The following COL14A1 variants were observed in gnomAD, a reference collection of about 807,000 sequenced individuals.
COL14A1 encodes collagen alpha-1(XIV) chain.
In COL14A1, 136 loss-of-function variants were observed where a neutral mutation model predicts 230.3. The observed-to-expected ratio is 0.59, with a 90% CI of 0.51 to 0.68. The LOEUF (loss-of-function observed/expected upper bound fraction) is 0.68. COL14A1 is among the 30% of genes least tolerant of loss of function. The pLI, the probability that COL14A1 is intolerant of heterozygous loss-of-function variation, is 0.00. For missense variants in COL14A1, 1,976 were observed against 2,215.8 expected, an observed-to-expected ratio of 0.89 and a Z score of 2.17; for synonymous variants, 792 against 784.1, an observed-to-expected ratio of 1.01 and a Z score of -0.17.
intron 45 of COL14A1, 137 bp from the exon 46 acceptor site, chr8:120,367,034 C>A: frequency 1.7e-6 from 1 of 598,292 alleles, no homozygotes; most frequent in Non-Finnish European, 2.9e-6. Context: ...TTTAAAAGTC[C>A]CATGGTACTC....
At chr8:120,125,024 G>T (rs539788929), upstream of COL14A1, 1 of 152,612 alleles carries the variant, frequency 6.6e-6, no homozygotes, top group Admixed American at 6.5e-5. Context: ...ATGGGCTTAG[G>T]CCTGCCTCCC....
Position 120,248,917 on chromosome 8 carries a change from C to CTTTTTTT in COL14A1, c.2602+1202_2602+1208dup, listed in dbSNP as rs71571673. ...AAAAACTCCATTAGTTTCAATCTTTCTTTTTTTTTTTTTTTTTTTTTTTTT... is the reference window on the plus strand; with the variant it reads ...AAAAACTCCATTAGTTTCAATCTTTCTTTTTTTTTTTTTTTTTTTTTTTTTTTTTTTT... On this transcript the variant is annotated intron_variant, in intron 21 of 47. Coordinates refer to ENST00000297848, the MANE Select transcript of COL14A1 (RefSeq NM_021110.4). Among the ~76,000 whole-genome samples the CTTTTTTT allele has an allele frequency of 2.0e-3, 167 of 84,228 alleles. 32 individuals carry two copies. Among genetic ancestry groups the CTTTTTTT allele is most frequent in the African/African-American group, 4.6e-3 (93 of 20,004 alleles). The allele number at this position is 84,228 out of a possible 152,430, so 55.3% of individuals were successfully genotyped here. A position where few individuals can be genotyped will look rare whatever the true frequency, so the allele number is the denominator to read the frequency against.
chr8:120,318,247 A>G (rs1821306070), intron 40 of COL14A1, among the ~76,000 whole-genome samples: 1 of 152,188 alleles, frequency 6.6e-6, no homozygotes, highest in Non-Finnish European at 1.5e-5. Flanking sequence ...GTTGTTCATT[A>G]CTGCCTACAG....
Position 120,212,319 on chromosome 8 carries a change from T to G in COL14A1, c.1468-129T>G, listed in dbSNP as rs140818972. ...CAATTTAAAAATTATGACTGAAGCC[T>G]GTTTGATGAAGGGGTTGTAACAGGA... On this transcript the variant is annotated intron_variant, in intron 12 of 47. Transcript: ENST00000297848. 1.0e-3 allele frequency: 793 copies of G among 778,140 alleles called. 9 individuals carry two copies. The highest frequency in any genetic ancestry group is 9.5e-3 in the Middle Eastern group (24 of 2,530). The allele number at this position is 778,140 out of a possible 1,614,324, so 48.2% of individuals were successfully genotyped here. A position where few individuals can be genotyped will look rare whatever the true frequency, so the allele number is the denominator to read the frequency against.
At chr8:120,165,984 G>A (rs1815857958) in intron 4 of COL14A1, among the ~76,000 whole-genome samples, 1 of 152,128 alleles carries the variant, frequency 6.6e-6, no homozygotes, top group South Asian at 2.1e-4. Flanking sequence ...AGTTCCAGGA[G>A]GTCACACTGT....
At chr8:120,178,778 C>T (rs1245931313) in intron 5 of COL14A1, among the ~76,000 whole-genome samples, 1 of 152,140 alleles carries the variant, frequency 6.6e-6, no homozygotes, top group Non-Finnish European at 1.5e-5. Flanking sequence ...TTCTAACTGG[C>T]ATTAGATGAT....
chr8:120,207,777 T>C (rs1326507226), intron 10 of COL14A1, among the ~76,000 whole-genome samples: 2 of 151,652 alleles, frequency 1.3e-5, no homozygotes, highest in African/African-American at 2.4e-5. Context: ...TGTGTTATGG[T>C]AGGATTTATG....
chr8:120,200,361 A>G (rs1263787730), intron 8 of COL14A1, among the ~76,000 whole-genome samples: 1 of 151,978 alleles, frequency 6.6e-6, no homozygotes, highest in East Asian at 1.9e-4. Flanking sequence ...GTCCAAATAA[A>G]ATGCATTTAT....
intron 1 of COL14A1, among the ~76,000 whole-genome samples, chr8:120,129,610 C>T (rs991995928): frequency 6.6e-6 from 1 of 152,148 alleles, no homozygotes; most frequent in African/African-American, 2.4e-5. Context: ...ATGCTGCTAA[C>T]CTAATATAGT....
chr8:120,226,267 T>C (rs551701568), intron 15 of COL14A1, among the ~76,000 whole-genome samples: 93 of 152,144 alleles, frequency 6.1e-4, no homozygotes, highest in African/African-American at 2.1e-3. Flanking sequence ...CTTAGGCCCC[T>C]ATTTTGTTAA....
intron 22 of COL14A1, 80 bp downstream of exon 22, chr8:120,250,846 C>T (rs1360179646): frequency 1.4e-5 from 21 of 1,524,516 alleles, no homozygotes; most frequent in East Asian, 7.0e-5. Flanking sequence ...CTCGCTCTGT[C>T]GCTCAGGCTG....
At chr8:120,365,789 C>T (rs892147991) in intron 45 of COL14A1, among the ~76,000 whole-genome samples, 1 of 152,190 alleles carries the variant, frequency 6.6e-6, no homozygotes, top group South Asian at 2.1e-4. Flanking sequence ...CATGGAGATA[C>T]TGGTCTTTTG....
intron 42 of COL14A1, among the ~76,000 whole-genome samples, chr8:120,338,549 A>G (rs921569513): frequency 6.6e-6 from 1 of 152,196 alleles, no homozygotes; most frequent in Non-Finnish European, 1.5e-5. Flanking sequence ...ATCTTATAGG[A>G]GTATTATAAG....
intron 26 of COL14A1, among the ~76,000 whole-genome samples, chr8:120,272,878 C>T (rs906872296): frequency 5.3e-5 from 8 of 151,668 alleles, no homozygotes; most frequent in Non-Finnish European, 7.4e-5. Context: ...CAGCACTAGA[C>T]AGATAATCAA....
At chr8:120,357,323 AGGAGG>A (rs1823023055) in intron 45 of COL14A1, among the ~76,000 whole-genome samples, 1 of 152,136 alleles carries the variant, frequency 6.6e-6, no homozygotes, top group Admixed American at 6.5e-5. Context: ...GATGATTGGC[AGGAGG>A]GCTCAGTTCC....
intron 14 of COL14A1, 55 bp downstream of exon 14, chr8:120,216,545 T>A: frequency 1.3e-6 from 2 of 1,538,672 alleles, no homozygotes; most frequent in South Asian, 2.4e-5. Flanking sequence ...TAGTTATTTA[T>A]GGCTACATAA....
intron 26 of COL14A1, among the ~76,000 whole-genome samples, chr8:120,276,480 C>T (rs1361265689): frequency 6.6e-6 from 1 of 150,724 alleles, no homozygotes; most frequent in Non-Finnish European, 1.5e-5. Flanking sequence ...ACCATGTAAC[C>T]AAATACCCTT....
chr8:120,308,064 C>T (rs910817004), intron 36 of COL14A1, among the ~76,000 whole-genome samples: 1 of 152,214 alleles, frequency 6.6e-6, no homozygotes, highest in Non-Finnish European at 1.5e-5. Context: ...TCACTGCAAC[C>T]TCTGCCTCCT....
At chr8:120,205,642 TCCCC>T (rs1484678649) in intron 9 of COL14A1, among the ~76,000 whole-genome samples, 9 of 152,038 alleles carry the variant, frequency 5.9e-5, no homozygotes, top group Non-Finnish European at 8.8e-5. Context: ...CATTCCCCTT[TCCCC>T]AGGCTAGATC....
Sources: gnomAD v4.1 joint callset for allele counts (sites outside exome capture counted in the v4.1 genomes callset) on GRCh38, gnomAD v4.1.1 for gene constraint, MANE v1.5 for transcripts, NCBI Gene and HGNC (gene_info 2026-07-23, HGNC 2026-07-21) for gene names.